Variants in MCF2L2 observed in about 807,000 individuals in gnomAD.
MCF2L2 encodes the protein MCF.2 cell line derived transforming sequence-like 2.
A neutral mutation model predicts 150.2 loss-of-function variants in MCF2L2; 102 were observed. The ratio of observed to expected loss-of-function variants is 0.68; its 90% CI spans 0.58 to 0.80. The LOEUF (loss-of-function observed/expected upper bound fraction) is 0.80. Among genes scored for constraint, MCF2L2 ranks in the 30% least tolerant of loss-of-function variants. The pLI is 0.00. For missense variants in MCF2L2, 1,256 were observed against 1,372.8 expected, an observed-to-expected ratio of 0.91 and a Z score of 1.34; for synonymous variants, 465 against 491.3, an observed-to-expected ratio of 0.95 and a Z score of 0.71.
intron 22 of MCF2L2, among the ~76,000 whole-genome samples, chr3:183,211,860 G>A (rs1452018317): frequency 6.6e-6 from 1 of 152,072 alleles, no homozygotes; most frequent in Non-Finnish European, 1.5e-5. Flanking sequence ...ATTCAGCGAC[G>A]CCCCTGTACT....
chr3:183,285,404 C>T (rs1727729902), intron 14 of MCF2L2, among the ~76,000 whole-genome samples: 1 of 152,176 alleles, frequency 6.6e-6, no homozygotes, highest in Non-Finnish European at 1.5e-5. Context: ...AGTAAGCTGC[C>T]AGATTAGTAA....
At chr3:183,271,140 G>T (rs1726740157) in intron 15 of MCF2L2, 1 of 453,540 alleles carries the variant, frequency 2.2e-6, no homozygotes, top group Non-Finnish European at 3.9e-6. Context: ...CAAAGAATTT[G>T]TATTTAGAAA....
At chr3:183,279,209 T>C (rs1727340719) in intron 14 of MCF2L2, among the ~76,000 whole-genome samples, 1 of 152,052 alleles carries the variant, frequency 6.6e-6, no homozygotes, top group African/African-American at 2.4e-5. Flanking sequence ...ACATCGTAAC[T>C]GATGAGATAT....
rs910287980 is a variant in MCF2L2 at position 183,341,638 on chromosome 3, G to T, written c.276-8C>A. 1 of 1,605,732 alleles carries T rather than the reference G, an allele frequency of 6.2e-7. No homozygotes were observed. Among genetic ancestry groups the T allele is most frequent in the Non-Finnish European group, 8.5e-7 (1 of 1,172,370 alleles). On this transcript the variant is annotated splice_polypyrimidine_tract_variant and splice_region_variant and intron_variant, in intron 3 of 29. Coordinates refer to ENST00000328913, the MANE Select transcript of MCF2L2 (RefSeq NM_015078.4). Reference sequence around the variant, plus strand: ...ATGCTGGCAGCCTCCACACTGCAAAGAAGGGTGGTCAGTGTCAGAGATTAG... The same window carrying T: ...ATGCTGGCAGCCTCCACACTGCAAATAAGGGTGGTCAGTGTCAGAGATTAG...
rs556370506 is a variant in MCF2L2 at position 183,211,360 on chromosome 3, G to A, written c.2497-3537C>T. Among the ~76,000 whole-genome samples the A allele has an allele frequency of 7.9e-5, 12 of 152,266 alleles. No individual in the cohort carries two copies. The South Asian group carries it at 8.3e-4, about 11-fold the overall frequency. On this transcript the variant is annotated intron_variant, in intron 22 of 29. Coordinates refer to ENST00000328913, the MANE Select transcript of MCF2L2 (RefSeq NM_015078.4). ...AGCCCATTATTACTGGAAGTGACTC[G>A]GGGGGAGTCGCTGGGTCTTTCAAGT...
At chr3:183,272,707 T>C (rs1726882257) in intron 15 of MCF2L2, 5 of 1,018,236 alleles carry the variant, frequency 4.9e-6, no homozygotes, top group Middle Eastern at 4.9e-4. Context: ...AACAAAAGCA[T>C]ATTTGACCAA....
At position 183,321,941 on chromosome 3, in the gene MCF2L2, C is replaced by A. The variant is rs150591580; in HGVS notation, c.603+1294G>T. Among the ~76,000 whole-genome samples the A allele has an allele frequency of 5.3e-3, 810 of 152,370 alleles. 5 individuals are homozygous for A. The highest frequency in any genetic ancestry group is 7.1e-3 in the Non-Finnish European group (482 of 68,036). The stretch of plus-strand genomic sequence containing the variant: ...ATCAAGGCCCCAGCAGATTTGGTGT[C>A]TGGTGGAGGTCTGTTCCTCATAAAG... On this transcript the variant is annotated intron_variant, in intron 6 of 29. Transcript: ENST00000328913.
chr3:183,298,381 GC>G (rs1358658679), intron 11 of MCF2L2: 1 of 152,086 alleles, frequency 6.6e-6, no homozygotes, highest in African/African-American at 2.4e-5. Flanking sequence ...AATGCAACAC[GC>G]CAAAGTGGTT....
At chr3:183,373,607 CACAG>C (rs1412555508) in intron 3 of MCF2L2, 5 of 152,236 alleles carry the variant, frequency 3.3e-5, no homozygotes, top group African/African-American at 1.2e-4. Context: ...CCGCTCCTAG[CACAG>C]ACACTCTCAT....
chr3:183,319,457 C>T (rs1729728503), intron 6 of MCF2L2, among the ~76,000 whole-genome samples: 1 of 152,250 alleles, frequency 6.6e-6, no homozygotes, highest in Non-Finnish European at 1.5e-5. Flanking sequence ...CCATGAATCA[C>T]TAATGTTCTT....
At position 183,311,015 on chromosome 3, in the gene MCF2L2, A is replaced by G; in HGVS notation, c.893T>C (p.Leu298Pro). 6.2e-7 allele frequency: 1 copy of G among 1,607,114 alleles called. No individual in the cohort carries two copies. ...VTTMERLLVQLDETEKAFSHF... is the reference protein window; with the variant it reads ...VTTMERLLVQPDETEKAFSHF... ...ACTAAAGGCTTTTTCTGTTTCATCC[A>G]GTTGAACTAATAACCTTTCAAGAAA... Residue 298 changes from leucine (L) to proline (P), a missense_variant, in exon 9 of 30, where the codon CTG becomes CCG. Transcript: ENST00000328913.
intron 13 of MCF2L2, among the ~76,000 whole-genome samples, chr3:183,293,716 C>A (rs1728298273): frequency 6.6e-6 from 1 of 151,842 alleles, no homozygotes; most frequent in African/African-American, 2.4e-5. Flanking sequence ...AGTGGAGGTC[C>A]CAGTCATTAT....
intron 7 of MCF2L2, 73 bp downstream of exon 7, chr3:183,317,995 T>G (rs937434096): frequency 6.4e-7 from 1 of 1,551,974 alleles, no homozygotes. Context: ...TAATTCTGCT[T>G]CCAGCTCTCT....
At chr3:183,259,259 T>C (rs75424394) in intron 15 of MCF2L2, among the ~76,000 whole-genome samples, 2,466 of 152,320 alleles carry the variant, frequency 0.016, 161 homozygotes, top group Admixed American at 0.1. Flanking sequence ...GTTGTTCTTC[T>C]AGTGACTCAA....
intron 15 of MCF2L2, among the ~76,000 whole-genome samples, chr3:183,242,447 T>C (rs556891846): frequency 6.6e-6 from 1 of 152,338 alleles, no homozygotes; most frequent in East Asian, 1.9e-4. Flanking sequence ...TAGGGACTTG[T>C]TGCCCTGCAT....
intron 1 of MCF2L2, among the ~76,000 whole-genome samples, chr3:183,392,815 C>A (rs778093688): frequency 1.3e-5 from 2 of 152,210 alleles, no homozygotes; most frequent in Non-Finnish European, 2.9e-5. Flanking sequence ...CCAAGAGACA[C>A]AAAGATCACC....
intron 1 of MCF2L2, among the ~76,000 whole-genome samples, chr3:183,422,042 C>T (rs370329562): frequency 2.0e-5 from 3 of 152,178 alleles, no homozygotes; most frequent in South Asian, 2.1e-4. Context: ...CTTGCTTTAT[C>T]GTTTTCAACA....
At chr3:183,412,473 A>AT (rs1298307528) in intron 1 of MCF2L2, among the ~76,000 whole-genome samples, 1 of 151,938 alleles carries the variant, frequency 6.6e-6, no homozygotes, top group Non-Finnish European at 1.5e-5. Context: ...TGATTTTTGT[A>AT]TTTTTAGTAG....
chr3:183,364,880 G>A (rs114734965), intron 3 of MCF2L2, among the ~76,000 whole-genome samples: 12 of 152,224 alleles, frequency 7.9e-5, no homozygotes, highest in East Asian at 5.8e-4. Flanking sequence ...TTAGCTGAAC[G>A]TTATCAAGGC....
Sources: allele counts gnomAD v4.1 joint callset (sites outside exome capture counted in the v4.1 genomes callset), GRCh38; gene constraint gnomAD v4.1.1; transcripts MANE v1.5; gene names NCBI Gene and HGNC (gene_info 2026-07-23, HGNC 2026-07-21).